Variants in HGF observed in about 807,000 individuals in gnomAD.
The protein encoded by HGF is fibroblast-derived tumor cytotoxic factor.
A neutral mutation model predicts 111.6 loss-of-function variants in HGF; 39 were observed. The ratio of observed to expected loss-of-function variants is 0.35; its 90% CI spans 0.27 to 0.46. The LOEUF is 0.46. Ranked by LOEUF, HGF falls within the 20% of genes least tolerant of loss-of-function variation. The probability of loss-of-function intolerance (pLI) is 1.00; values close to 1 mark genes in which losing one functional copy is unlikely to be tolerated. For synonymous variants in HGF, 285 were observed against 294.8 expected (o/e 0.97, Z 0.34); for missense variants, 735 against 910.5 (o/e 0.81, Z 2.48).
intron 1 of HGF, among the ~76,000 whole-genome samples, chr7:81,766,453 C>A (rs923041179): frequency 1.5e-4 from 23 of 152,102 alleles, no homozygotes; most frequent in African/African-American, 5.6e-4. Context: ...AAATAGAAGT[C>A]TAAATTTTCG....
In HGF at chr7:81,729,685, A is replaced by G. The variant is rs780821031; in HGVS notation, c.960T>C (p.Ile320=). The part of the protein sequence containing the change: ...GEGYRGTVNT[I]WNGIPCQRWD... The stretch of plus-strand genomic sequence containing the variant: ...AACGCTGACATGGAATTCCATTCCA[A>G]ATGGTATTGACAGTGCCCCTGTAGC... Residue 320 remains isoleucine (I), a synonymous_variant, in exon 8 of 18, where the codon ATT becomes ATC. Coordinates refer to ENST00000222390, the MANE Select transcript of HGF (RefSeq NM_000601.6). The G allele has an allele frequency of 5.0e-6, 8 of 1,613,716 alleles. No homozygotes were observed. Among genetic ancestry groups the G allele is most frequent in the Non-Finnish European group, 6.8e-6 (8 of 1,179,648 alleles).
intron 13 of HGF, among the ~76,000 whole-genome samples, chr7:81,709,759 A>G (rs945835875): frequency 4.9e-4 from 75 of 152,258 alleles, no homozygotes; most frequent in Middle Eastern, 3.2e-3. Flanking sequence ...TGACATGATC[A>G]TGCATAAACA....
intron 2 of HGF, among the ~76,000 whole-genome samples, chr7:81,759,662 G>A (rs1788962435): frequency 1.3e-5 from 2 of 151,904 alleles, no homozygotes; most frequent in South Asian, 2.1e-4. Flanking sequence ...CCACCACCAC[G>A]CCTCGCTAAT....
At chr7:81,763,189 G>A (rs1789186182) in intron 1 of HGF, among the ~76,000 whole-genome samples, 1 of 152,088 alleles carries the variant, frequency 6.6e-6, no homozygotes, top group Non-Finnish European at 1.5e-5. Context: ...ATCATGAAAG[G>A]AAATATCAGT....
At chr7:81,727,659 A>G (rs1790054496) in intron 8 of HGF, among the ~76,000 whole-genome samples, 1 of 152,042 alleles carries the variant, frequency 6.6e-6, no homozygotes, top group Non-Finnish European at 1.5e-5. Context: ...TTTATTTTCT[A>G]TTATTTGGTA....
chr7:81,733,763 A>G (rs770460234), intron 7 of HGF, among the ~76,000 whole-genome samples: 12 of 152,276 alleles, frequency 7.9e-5, no homozygotes, highest in Non-Finnish European at 1.5e-4. Flanking sequence ...TAAATATCTG[A>G]TGAGGACCAT....
At chr7:81,748,917 G>C (rs562633427) in intron 5 of HGF, among the ~76,000 whole-genome samples, 2 of 152,254 alleles carry the variant, frequency 1.3e-5, no homozygotes, top group South Asian at 2.1e-4. Flanking sequence ...TCATAAAACA[G>C]GAGTGATATG....
rs1789553433 is a variant in HGF, at chr7:81,769,977, T to C, written c.-6A>G. On this transcript the variant is annotated 5_prime_UTR_variant, in exon 1 of 18. Coordinates refer to ENST00000222390, the MANE Select transcript of HGF (RefSeq NM_000601.6). ...AGGAGTTTGGTCACCCACATGGTGC[T>C]GCTGGACGGGCTGGCGGATCCCTCT... 1.9e-6 allele frequency: 3 copies of C among 1,552,404 alleles called. No individual in the cohort carries two copies. The highest frequency in any genetic ancestry group is 2.4e-5 in the South Asian group (2 of 84,178).
chr7:81,720,878 A>G (rs1789834970), intron 9 of HGF, 31 bp from the exon 10 acceptor site: 7 of 1,125,462 alleles, frequency 6.2e-6, no homozygotes, highest in Non-Finnish European at 8.2e-6. Context: ...AATAAGTCCA[A>G]TGAATATCAA....
chr7:81,707,297 G>A lies in HGF; in HGVS notation c.1609C>T (p.Pro537Ser), dbSNP rs1453208391. 6.4e-7 allele frequency: 1 copy of A among 1,572,426 alleles called. No individual in the cohort carries two copies. Among genetic ancestry groups the A allele is most frequent in the East Asian group, 2.2e-5 (1 of 44,606 alleles). The change falls in exon 14 of 18, where the codon CCT becomes TCT. Residue 537 changes from proline to serine, a missense_variant. Pro to Ser is a moderately conservative substitution (Grantham distance 74). Around this residue, in one of 3 missense-constraint regions of HGF, gnomAD observed 553 missense variants for 685.6 expected, o/e 0.81. Coordinates refer to ENST00000222390, the MANE Select transcript of HGF (RefSeq NM_000601.6). ...GTTTTAAAAACACTTTACCGAGAAG[G>A]GAAACACTGTCGTGCAGTAAGAACC... ...SWVLTARQCF[P>S]SRDLKDYEAW...
At chr7:81,739,585 C>G (rs1787939837) in intron 7 of HGF, among the ~76,000 whole-genome samples, 1 of 151,896 alleles carries the variant, frequency 6.6e-6, no homozygotes, top group Non-Finnish European at 1.5e-5. Flanking sequence ...GGGCAATGAG[C>G]TACAGTAAAA....
chr7:81,723,947 T>C (rs1467902702), intron 9 of HGF, among the ~76,000 whole-genome samples: 2 of 151,966 alleles, frequency 1.3e-5, no homozygotes, highest in African/African-American at 4.8e-5. Context: ...GGCAAGTTAC[T>C]TAAATTCCAT....
intron 13 of HGF, 83 bp downstream of exon 13, chr7:81,710,064 G>T: frequency 3.1e-6 from 3 of 969,196 alleles, no homozygotes; most frequent in South Asian, 1.3e-5. Context: ...CAACCTTCAG[G>T]ACCACATGTG....
At position 81,763,163 on chromosome 7, in the gene HGF, A is replaced by G. The variant is rs1789184671; in HGVS notation, c.89-291T>C. Among the ~76,000 whole-genome samples, 2 of 152,200 alleles carry G rather than the reference A, an allele frequency of 1.3e-5. 1 individual carries two copies. Among genetic ancestry groups the G allele is most frequent in the South Asian group, 4.1e-4 (2 of 4,828 alleles). The stretch of plus-strand genomic sequence containing the variant: ...AGTTCACACTAAAGAAATAAATAAC[A>G]TGATATTTTCCAAACATCATGAAAG... On this transcript the variant is annotated intron_variant, in intron 1 of 17. Transcript: ENST00000222390.
At chr7:81,710,580 G>A (rs984719819) in intron 12 of HGF, among the ~76,000 whole-genome samples, 7 of 151,786 alleles carry the variant, frequency 4.6e-5, no homozygotes, top group African/African-American at 1.2e-4. Flanking sequence ...ATAAACCAAA[G>A]TTATTTACAA....
At chr7:81,722,456 C>T (rs113651429) in intron 9 of HGF, among the ~76,000 whole-genome samples, 4,832 of 151,774 alleles carry the variant, frequency 0.032, 256 homozygotes, top group African/African-American at 0.11. Flanking sequence ...TGAGCCACTG[C>T]GCCCGGCCAT....
At chr7:81,749,799 C>T (rs1362632278) in intron 5 of HGF, among the ~76,000 whole-genome samples, 1 of 151,838 alleles carries the variant, frequency 6.6e-6, no homozygotes, top group African/African-American at 2.4e-5. Context: ...CTATCAGATA[C>T]AATTCTTTTA....
At chr7:81,754,136 C>T (rs1040111468) in intron 4 of HGF, among the ~76,000 whole-genome samples, 5 of 151,970 alleles carry the variant, frequency 3.3e-5, no homozygotes, top group African/African-American at 9.7e-5. Context: ...AAAACCCATA[C>T]GGTTGCCCCA....
chr7:81,745,379 A>AT (rs1341905666), intron 5 of HGF, among the ~76,000 whole-genome samples: 5 of 152,130 alleles, frequency 3.3e-5, no homozygotes, highest in Non-Finnish European at 7.3e-5. Flanking sequence ...CTGTCTATCT[A>AT]TTTTTTCAAT....
Sources: allele counts gnomAD v4.1 joint callset (sites outside exome capture counted in the v4.1 genomes callset), GRCh38; gene constraint gnomAD v4.1.1; regional missense constraint gnomAD v4.1.1; transcripts MANE v1.5; gene names NCBI Gene and HGNC (gene_info 2026-07-23, HGNC 2026-07-21).